Variants in LHFPL1 observed in about 807,000 individuals in gnomAD.
The protein encoded by LHFPL1 is LHFPL tetraspan subfamily member 1, also known as LHFPL tetraspan subfamily member 1 protein.
A neutral mutation model predicts 12.1 loss-of-function variants in LHFPL1; 4 were observed. The observed-to-expected ratio is 0.33, with a 90% CI of 0.16 to 0.76. The LOEUF is 0.76. Among genes scored for constraint, LHFPL1 ranks in the 30% least tolerant of loss-of-function variants. The probability of loss-of-function intolerance (pLI) is 0.61; values close to 1 mark genes in which losing one functional copy is unlikely to be tolerated. For synonymous variants in LHFPL1, 52 were observed against 61.9 expected (o/e 0.84, Z 0.75); for missense variants, 141 against 174.1 (o/e 0.81, Z 1.07).
rs1261309237 is a variant in LHFPL1 at position 112,640,011 on chromosome X, C to A, written c.482-8410G>T. 3.6e-5 allele frequency among the ~76,000 whole-genome samples: 4 copies of A among 111,895 alleles called. No individual in the cohort carries two copies. In the East Asian group the frequency reaches 1.1e-3, roughly 31 times the overall value. ...TAGGAAATTGGTTCCTCTCCCCTAA[C>A]ATCTGCTCAGTAGTCCTCTGCTTGC... On this transcript the variant is annotated intron_variant, in intron 3 of 3. Transcript: ENST00000371968.
intron 3 of LHFPL1, among the ~76,000 whole-genome samples, chrX:112,634,783 C>G (rs1930289918): frequency 9.0e-6 from 1 of 110,977 alleles, no homozygotes; most frequent in Admixed American, 9.6e-5. Context: ...CCCCAAGTGC[C>G]TTGTGAATTC....
At chrX:112,676,686 C>A (rs1023272967) in intron 1 of LHFPL1, among the ~76,000 whole-genome samples, 7 of 112,134 alleles carry the variant, frequency 6.2e-5, no homozygotes, top group Admixed American at 1.9e-4. Flanking sequence ...ATGCAGGAAA[C>A]CCACCTAAAC....
At chrX:112,678,219 G>C (rs111925892) in intron 1 of LHFPL1, among the ~76,000 whole-genome samples, 6,464 of 111,237 alleles carry the variant, frequency 0.058, 169 homozygotes, top group Middle Eastern at 0.1. Flanking sequence ...GGAAAGGTAG[G>C]AACTGGAATA....
chrX:112,669,741 AC>A (rs1338472702), intron 2 of LHFPL1, among the ~76,000 whole-genome samples: 1 of 111,857 alleles, frequency 8.9e-6, no homozygotes, highest in East Asian at 2.8e-4. Flanking sequence ...GACGTTCATC[AC>A]CATCCCTCAC....
intron 3 of LHFPL1, among the ~76,000 whole-genome samples, chrX:112,657,636 G>A (rs941558145): frequency 1.8e-5 from 2 of 111,484 alleles, no homozygotes; most frequent in African/African-American, 6.5e-5. Context: ...TTACATTTAT[G>A]GACAATTGAC....
chrX:112,632,180 G>A (rs947664971), intron 3 of LHFPL1, among the ~76,000 whole-genome samples: 1 of 111,235 alleles, frequency 9.0e-6, no homozygotes, highest in Non-Finnish European at 1.9e-5. Flanking sequence ...GATTAGACAG[G>A]TAAAATAAAA....
At chrX:112,632,415 A>T (rs908411092) in intron 3 of LHFPL1, among the ~76,000 whole-genome samples, 2 of 111,853 alleles carry the variant, frequency 1.8e-5, no homozygotes, top group African/African-American at 6.5e-5. Flanking sequence ...TCCTTCAGAA[A>T]ATGTCAATGC....
chrX:112,673,778 A>G (rs1451920086), intron 1 of LHFPL1, among the ~76,000 whole-genome samples: 2 of 111,918 alleles, frequency 1.8e-5, no homozygotes, highest in African/African-American at 6.5e-5. Context: ...GCCTTCCCCT[A>G]CAGTATTACC....
At chrX:112,660,808 A>C (rs1931164168) in intron 2 of LHFPL1, 83 bp from the exon 3 acceptor site, 2 of 666,992 alleles carry the variant, frequency 3.0e-6, no homozygotes, top group South Asian at 2.6e-5. Context: ...GTTCAGCTCA[A>C]ATTCTGCCTC....
intron 2 of LHFPL1, among the ~76,000 whole-genome samples, chrX:112,663,209 C>G (rs888177237): frequency 8.9e-6 from 1 of 111,903 alleles, no homozygotes; most frequent in African/African-American, 3.2e-5. Flanking sequence ...TCTTTCTGTT[C>G]CCATAGCACC....
In LHFPL1 at chrX:112,631,594, A is replaced by G; in HGVS notation, c.489T>C (p.Cys163=). 2 of 1,195,118 alleles carry G rather than the reference A, an allele frequency of 1.7e-6. No homozygotes were observed. Among genetic ancestry groups the G allele is most frequent in the East Asian group, 3.0e-5 (1 of 33,604 alleles). ...NVSNQFQLGT[C]RLGWAYYCAG... Reference sequence around the variant, plus strand: ...CACAGTAATAGGCCCAGCCAAGCCGACAGGTACCTGTGAGAACAGGGACAG... The same window carrying G: ...CACAGTAATAGGCCCAGCCAAGCCGGCAGGTACCTGTGAGAACAGGGACAG... The change falls in exon 4 of 4, where the codon TGT becomes TGC. Residue 163 remains cysteine, a synonymous_variant. Transcript: ENST00000371968.
chrX:112,651,653 A>T (rs910674776), intron 3 of LHFPL1, among the ~76,000 whole-genome samples: 2 of 111,534 alleles, frequency 1.8e-5, no homozygotes, highest in African/African-American at 6.5e-5. Context: ...AATTGATTAC[A>T]CTTTAAAATA....
At chrX:112,652,972 G>C (rs1209701985) in intron 3 of LHFPL1, among the ~76,000 whole-genome samples, 5 of 111,457 alleles carry the variant, frequency 4.5e-5, no homozygotes, top group Admixed American at 9.6e-5. Context: ...GATGTAATTG[G>C]GGCAGGATAT....
At chrX:112,643,378 C>CAAAAAAAAA (rs1164744066) in intron 3 of LHFPL1, among the ~76,000 whole-genome samples, 14 of 38,897 alleles carry the variant, frequency 3.6e-4, no homozygotes, top group African/African-American at 7.1e-4. Context: ...GACTCCGTCT[C>CAAAAAAAAA]AAAAAAAAAA....
Position 112,643,345 on chromosome X carries a change from C to T in LHFPL1, c.482-11744G>A, listed in dbSNP as rs1346931383. On this transcript the variant is annotated intron_variant, in intron 3 of 3. Coordinates refer to ENST00000371968, the MANE Select transcript of LHFPL1 (RefSeq NM_178175.4). The stretch of plus-strand genomic sequence containing the variant: ...AGTGAGCCGAGATCGTGCCACTGCA[C>T]TTCAGCCTGGGCTACAGAGCCAGAC... Among the ~76,000 whole-genome samples the T allele has an allele frequency of 7.5e-5, 7 of 92,790 alleles. No homozygotes were observed. In the South Asian group the frequency reaches 1.7e-3, roughly 22 times the overall value. 80.6% of individuals were successfully genotyped at this position (92,790 alleles called of 115,157 possible).
intron 3 of LHFPL1, among the ~76,000 whole-genome samples, chrX:112,657,339 T>G (rs1301777744): frequency 1.8e-5 from 2 of 111,961 alleles, no homozygotes; most frequent in African/African-American, 3.2e-5. Flanking sequence ...ATTGGAAAAC[T>G]TCATATTATT....
intron 3 of LHFPL1, among the ~76,000 whole-genome samples, chrX:112,652,777 G>A (rs1345077837): frequency 8.9e-6 from 1 of 111,914 alleles, no homozygotes; most frequent in Non-Finnish European, 1.9e-5. Context: ...TATCAGTTGA[G>A]GTATATGAGA....
intron 3 of LHFPL1, among the ~76,000 whole-genome samples, chrX:112,655,850 T>C (rs1429230040): frequency 1.8e-5 from 2 of 111,940 alleles, no homozygotes; most frequent in Non-Finnish European, 3.8e-5. Flanking sequence ...ATTACAAGCA[T>C]GAGCCACTGC....
intron 1 of LHFPL1, among the ~76,000 whole-genome samples, chrX:112,672,223 G>C (rs1931529225): frequency 8.9e-6 from 1 of 111,904 alleles, no homozygotes; most frequent in Admixed American, 9.4e-5. Context: ...AATCCAAAAA[G>C]CTTCTCAAAG....
Sources: allele counts gnomAD v4.1 joint callset (sites outside exome capture counted in the v4.1 genomes callset), GRCh38; gene constraint gnomAD v4.1.1; transcripts MANE v1.5; gene names NCBI Gene and HGNC (gene_info 2026-07-23, HGNC 2026-07-21).